The following WIPF1 variants were observed in gnomAD, a reference collection of about 807,000 sequenced individuals.
WIPF1 encodes WAS/WASL interacting protein family member 1, also known as WAS/WASL-interacting protein family member 1.
Under a neutral mutation model 35.4 loss-of-function variants are expected in WIPF1, and 13 were observed. The observed-to-expected ratio is 0.37, with a 90% CI of 0.24 to 0.58. WIPF1 has a LOEUF of 0.58. WIPF1 is among the 20% of genes least tolerant of loss of function. The pLI is 0.74. For missense variants in WIPF1, 591 were observed against 667.0 expected (o/e 0.89, Z 1.25); for synonymous variants, 267 against 266.3 (o/e 1.00, Z -0.02).
At chr2:174,599,790 A>ACTCT (rs757196195), upstream of WIPF1, among the ~76,000 whole-genome samples, 102 of 59,214 alleles carry the variant, frequency 1.7e-3, no homozygotes, top group East Asian at 6.8e-3. Flanking sequence ...ACACACACAC[A>ACTCT]CACTCTCTCT....
chr2:174,673,136 G>A (rs1040644143), intron 1 of WIPF1: 1 of 152,300 alleles, frequency 6.6e-6, no homozygotes, highest in Admixed American at 6.5e-5. Flanking sequence ...GGTGCCAACT[G>A]GTCCTGATTC....
intron 2 of WIPF1, among the ~76,000 whole-genome samples, chr2:174,585,272 CAG>C (rs1685369277): frequency 6.6e-6 from 1 of 152,174 alleles, no homozygotes; most frequent in Non-Finnish European, 1.5e-5. Flanking sequence ...GCAGATGCGG[CAG>C]AAAACACCTC....
chr2:174,595,140 A>ATATATATATATATATAT (rs1260140362), intron 1 of WIPF1, among the ~76,000 whole-genome samples: 5 of 128,532 alleles, frequency 3.9e-5, no homozygotes, highest in Non-Finnish European at 6.4e-5. Flanking sequence ...ATATATATAT[A>ATATATATATATATATAT]ATTAACTGGG....
intron 1 of WIPF1, among the ~76,000 whole-genome samples, chr2:174,631,368 C>A (rs548488414): frequency 6.6e-6 from 1 of 151,904 alleles, no homozygotes; most frequent in East Asian, 1.9e-4. Context: ...AGAAACAGAA[C>A]GACAAATATT....
intron 7 of WIPF1, among the ~76,000 whole-genome samples, chr2:174,563,869 G>T (rs1684563018): frequency 6.6e-6 from 1 of 152,198 alleles, no homozygotes; most frequent in African/African-American, 2.4e-5. Context: ...TTCTGAGAAA[G>T]AACCAAATTT....
At chr2:174,574,740 C>A in intron 4 of WIPF1, 1 of 635,722 alleles carries the variant, frequency 1.6e-6, no homozygotes, top group Admixed American at 2.8e-5. Flanking sequence ...TCATGCAAAA[C>A]ACTTTTTCAG....
chr2:174,618,577 T>G (rs1316494694), intron 1 of WIPF1, among the ~76,000 whole-genome samples: 1 of 152,226 alleles, frequency 6.6e-6, no homozygotes, highest in Non-Finnish European at 1.5e-5. Context: ...TACTGAGCTC[T>G]GATTATGTGC....
rs1221075953 is a variant in WIPF1 at position 174,614,966 on chromosome 2, A to G, written c.-38-29355T>C. On this transcript the variant is annotated intron_variant, in intron 1 of 8. Coordinates refer to the WIPF1 transcript ENST00000272746. ...GATGCACAAAGATGAGAATATCTCAAAAATATTTACAGCATAAGTAACATG... is the reference window on the plus strand; with the variant it reads ...GATGCACAAAGATGAGAATATCTCAGAAATATTTACAGCATAAGTAACATG... 2.6e-5 allele frequency among the ~76,000 whole-genome samples: 4 copies of G among 152,370 alleles called. No individual in the cohort carries two copies. In the South Asian group the frequency reaches 6.2e-4, roughly 24 times the overall value.
intron 1 of WIPF1, chr2:174,625,830 T>A (rs1686815241): frequency 6.6e-6 from 1 of 152,194 alleles, no homozygotes; most frequent in South Asian, 2.1e-4. Flanking sequence ...CATGCTTAGA[T>A]CCAACCCAGA....
Position 174,616,840 on chromosome 2 carries a change from A to C in WIPF1, c.-38-31229T>G, listed in dbSNP as rs61028097. ...AAGAACTTTGTCAGTAATGGTCTTTAAATTCTTTTCAATCCTGGCTTTGTA... is the reference window on the plus strand; with the variant it reads ...AAGAACTTTGTCAGTAATGGTCTTTCAATTCTTTTCAATCCTGGCTTTGTA... On this transcript the variant is annotated intron_variant, in intron 1 of 8. Transcript: ENST00000272746. 2.3e-3 allele frequency among the ~76,000 whole-genome samples: 354 copies of C among 152,290 alleles called. 12 individuals are homozygous for C. In the East Asian group the frequency reaches 0.057, roughly 24 times the overall value.
chr2:174,652,522 A>G (rs1687552778), intron 1 of WIPF1, among the ~76,000 whole-genome samples: 1 of 152,204 alleles, frequency 6.6e-6, no homozygotes, highest in Admixed American at 6.5e-5. Flanking sequence ...TTGGCCCTTT[A>G]GTATTTTCCT....
rs768251974 is a variant in WIPF1, at chr2:174,567,070, T to G, written c.1456A>C (p.Ser486Arg). The G allele has an allele frequency of 6.2e-7, 1 of 1,614,106 alleles. No homozygotes were observed. The highest frequency in any genetic ancestry group is 8.5e-7 in the Non-Finnish European group (1 of 1,179,922). Residue 486 changes from serine to arginine, a missense_variant and splice_region_variant, in exon 7 of 8, where the codon AGT (serine) becomes CGT (arginine). By Grantham distance (110) the Ser-to-Arg change is moderately radical (BLOSUM62 -1). Around this residue, in one of 3 missense-constraint regions of WIPF1, gnomAD observed 117 missense variants for 149.6 expected, o/e 0.78. Coordinates refer to ENST00000679041, the MANE Select transcript of WIPF1 (RefSeq NM_001375834.1). Reference sequence around the variant, plus strand: ...CAAAAACCTTGGCAGAAATACTCACTCCGGCTTTCGTTTCTTGCCAGTTTG... The same window carrying G: ...CAAAAACCTTGGCAGAAATACTCACGCCGGCTTTCGTTTCTTGCCAGTTTG... ...PSKLARNESR[S>R]GSNRRERGAP... is the part of the protein sequence containing the mutation.
At chr2:174,598,719 T>C (rs1685901410), upstream of WIPF1, among the ~76,000 whole-genome samples, 1 of 152,226 alleles carries the variant, frequency 6.6e-6, no homozygotes, top group African/African-American at 2.4e-5. Context: ...CAAATGTTTC[T>C]GTCCCCCACA....
intron 1 of WIPF1, among the ~76,000 whole-genome samples, chr2:174,621,968 G>C (rs1307682859): frequency 6.6e-6 from 1 of 152,162 alleles, no homozygotes; most frequent in Admixed American, 6.5e-5. Context: ...AGAACAATGA[G>C]GAAGCCCGCT....
intron 1 of WIPF1, among the ~76,000 whole-genome samples, chr2:174,595,780 A>AT (rs1057026243): frequency 6.6e-6 from 1 of 152,144 alleles, no homozygotes; most frequent in African/African-American, 2.4e-5. Flanking sequence ...TTATTCTAGT[A>AT]TTTTTTTACA....
chr2:174,604,767 A>C (rs1364472277), intron 1 of WIPF1, among the ~76,000 whole-genome samples: 2 of 152,192 alleles, frequency 1.3e-5, no homozygotes, highest in Non-Finnish European at 2.9e-5. Context: ...TTAGAGATTT[A>C]TACTTTAGGG....
intron 1 of WIPF1, among the ~76,000 whole-genome samples, chr2:174,628,480 C>T (rs1686916768): frequency 6.6e-6 from 1 of 152,214 alleles, no homozygotes; most frequent in South Asian, 2.1e-4. Context: ...CAGTTCATTG[C>T]CCACAACCTT....
chr2:174,640,009 T>C (rs963980489), intron 1 of WIPF1, among the ~76,000 whole-genome samples: 2 of 152,118 alleles, frequency 1.3e-5, no homozygotes, highest in Non-Finnish European at 2.9e-5. Flanking sequence ...TGTTTGCAGA[T>C]GACATGATCT....
intron 1 of WIPF1, among the ~76,000 whole-genome samples, chr2:174,619,028 A>G (rs1421071604): frequency 6.6e-6 from 1 of 152,110 alleles, no homozygotes; most frequent in East Asian, 1.9e-4. Context: ...TGGTGGAATC[A>G]CTGCAACCTC....
Sources: gnomAD v4.1 joint callset for allele counts (sites outside exome capture counted in the v4.1 genomes callset) on GRCh38, gnomAD v4.1.1 for gene constraint, gnomAD v4.1.1 regional missense constraint, MANE v1.5 for transcripts, NCBI Gene and HGNC (gene_info 2026-07-23, HGNC 2026-07-21) for gene names.